Variants in CFAP299 observed in about 807,000 individuals in gnomAD.
CFAP299 encodes the protein cilia- and flagella-associated protein 299.
Under a neutral mutation model 27.0 loss-of-function variants are expected in CFAP299, and 21 were observed. That is an observed-to-expected ratio of 0.78 (90% CI 0.55 to 1.12). CFAP299 has a LOEUF of 1.12. Ranked by LOEUF, CFAP299 falls within the 50% of genes most tolerant of loss-of-function variation. The pLI is 0.00. For synonymous variants in CFAP299, 104 were observed against 98.1 expected, an observed-to-expected ratio of 1.06 and a Z score of -0.36; for missense variants, 310 against 276.6, an observed-to-expected ratio of 1.12 and a Z score of -0.86.
At chr4:80,459,134 A>G (rs1356657632) in intron 2 of CFAP299, among the ~76,000 whole-genome samples, 1 of 151,876 alleles carries the variant, frequency 6.6e-6, no homozygotes, top group Non-Finnish European at 1.5e-5. Context: ...GTGCATTATC[A>G]CCGTGCCCTG....
At chr4:80,430,446 T>C (rs2110077852) in intron 2 of CFAP299, among the ~76,000 whole-genome samples, 1 of 152,382 alleles carries the variant, frequency 6.6e-6, no homozygotes, top group South Asian at 2.1e-4. Context: ...TGCTGGTTCC[T>C]CTTTATCCTC....
chr4:80,682,762 G>A (rs1484413768), intron 3 of CFAP299, among the ~76,000 whole-genome samples: 1 of 152,024 alleles, frequency 6.6e-6, no homozygotes, highest in Non-Finnish European at 1.5e-5. Context: ...CACTTTTCAA[G>A]TTTCATTCTA....
At chr4:80,450,125 A>G (rs948458344) in intron 2 of CFAP299, among the ~76,000 whole-genome samples, 1 of 152,146 alleles carries the variant, frequency 6.6e-6, no homozygotes, top group Non-Finnish European at 1.5e-5. Flanking sequence ...AAATTGACTG[A>G]AAAAACTCAG....
At chr4:80,820,909 A>G (rs1405132745) in intron 3 of CFAP299, among the ~76,000 whole-genome samples, 1 of 152,204 alleles carries the variant, frequency 6.6e-6, no homozygotes, top group Non-Finnish European at 1.5e-5. Context: ...GATAACACAG[A>G]TCATTACTGA....
chr4:80,857,757 C>T (rs1732013819), intron 3 of CFAP299, among the ~76,000 whole-genome samples: 1 of 152,082 alleles, frequency 6.6e-6, no homozygotes, highest in Non-Finnish European at 1.5e-5. Context: ...GGATGAAGCC[C>T]ACTTGATCAT....
chr4:80,953,376 C>A (rs61550681), intron 5 of CFAP299, among the ~76,000 whole-genome samples: 2,930 of 152,186 alleles, frequency 0.019, 105 homozygotes, highest in African/African-American at 0.067. Context: ...TGATTATAGC[C>A]CTAAAACACC....
At chr4:80,801,532 G>C (rs193100184) in intron 3 of CFAP299, among the ~76,000 whole-genome samples, 1 of 152,138 alleles carries the variant, frequency 6.6e-6, no homozygotes, top group African/African-American at 2.4e-5. Context: ...ATATAAGAGA[G>C]AATAAAGGCT....
intron 5 of CFAP299, among the ~76,000 whole-genome samples, chr4:80,960,331 C>T (rs1186955487): frequency 6.6e-6 from 1 of 151,826 alleles, no homozygotes; most frequent in Non-Finnish European, 1.5e-5. Context: ...AGCACAAAAC[C>T]ATTTTTATAT....
intron 2 of CFAP299, among the ~76,000 whole-genome samples, chr4:80,523,320 T>C (rs1353395936): frequency 6.6e-6 from 1 of 152,190 alleles, no homozygotes; most frequent in African/African-American, 2.4e-5. Flanking sequence ...AACTGATTTT[T>C]GCATGCTGAT....
rs561899719 is a variant in CFAP299, at chr4:80,795,849, G to A, written c.334-74144G>A. Among the ~76,000 whole-genome samples, 4 of 152,210 alleles carry A rather than the reference G, an allele frequency of 2.6e-5. No individual in the cohort carries two copies. The East Asian group carries it at 5.8e-4, about 22-fold the overall frequency. On this transcript the variant is annotated intron_variant, in intron 3 of 5. Transcript: ENST00000358105. The stretch of plus-strand genomic sequence containing the variant: ...ACCAAGATCTGTCTCTCAAATAAGA[G>A]TAGTTATTTGCAGAAGATGGCAGGG...
intron 3 of CFAP299, among the ~76,000 whole-genome samples, chr4:80,859,004 G>A (rs1465732200): frequency 3.9e-5 from 6 of 152,186 alleles, no homozygotes; most frequent in Non-Finnish European, 5.9e-5. Flanking sequence ...AATGTTGACA[G>A]TGGGGTGTCA....
chr4:80,767,658 T>C (rs1725965826), intron 3 of CFAP299, among the ~76,000 whole-genome samples: 1 of 152,174 alleles, frequency 6.6e-6, no homozygotes, highest in Non-Finnish European at 1.5e-5. Context: ...TACTCACCGA[T>C]TTTCAGACCT....
At chr4:80,605,901 T>G (rs974555001) in intron 3 of CFAP299, among the ~76,000 whole-genome samples, 2 of 152,176 alleles carry the variant, frequency 1.3e-5, no homozygotes, top group African/African-American at 4.8e-5. Context: ...TGCATTGTTT[T>G]CTATTGGTTT....
Position 80,629,742 on chromosome 4 carries a change from T to A in CFAP299, c.333+46559T>A, listed in dbSNP as rs550529194. Among the ~76,000 whole-genome samples, 24 of 151,790 alleles carry A rather than the reference T, an allele frequency of 1.6e-4. 1 individual carries two copies. Among genetic ancestry groups the A allele is most frequent in the African/African-American group, 5.8e-4 (24 of 41,440 alleles). ...TAAAAATACAAAAATTAGCCAGGTATGATGGTGTGCACCTGTAGTCCCAGC... is the reference window on the plus strand; with the variant it reads ...TAAAAATACAAAAATTAGCCAGGTAAGATGGTGTGCACCTGTAGTCCCAGC... On this transcript the variant is annotated intron_variant, in intron 3 of 5. Transcript: ENST00000358105.
At chr4:80,467,234 G>A (rs1048436839) in intron 2 of CFAP299, among the ~76,000 whole-genome samples, 4 of 152,124 alleles carry the variant, frequency 2.6e-5, no homozygotes, top group African/African-American at 9.7e-5. Flanking sequence ...CACTGATACT[G>A]GCAAATGCTA....
chr4:80,429,183 G>A (rs977745050), intron 2 of CFAP299, among the ~76,000 whole-genome samples: 3 of 152,104 alleles, frequency 2.0e-5, no homozygotes, highest in African/African-American at 4.8e-5. Flanking sequence ...CATCAGCTGG[G>A]ACTAATTGCT....
intron 2 of CFAP299, among the ~76,000 whole-genome samples, chr4:80,575,693 CTT>C (rs1735818240): frequency 3.6e-5 from 3 of 83,868 alleles, no homozygotes; most frequent in African/African-American, 8.2e-5. Context: ...TTGTTTTGCT[CTT>C]GCTTTTATAG....
At chr4:80,654,874 C>A (rs1318022256) in intron 3 of CFAP299, among the ~76,000 whole-genome samples, 6 of 151,454 alleles carry the variant, frequency 4.0e-5, no homozygotes, top group Non-Finnish European at 8.8e-5. Context: ...CCTTGGCCAC[C>A]CAAAGTGCTG....
At chr4:80,823,088 T>C (rs1006752189) in intron 3 of CFAP299, among the ~76,000 whole-genome samples, 2 of 152,138 alleles carry the variant, frequency 1.3e-5, no homozygotes, top group East Asian at 1.9e-4. Flanking sequence ...AAAAGCCAGT[T>C]TGTCTTAAAG....
Sources: allele counts gnomAD v4.1 joint callset (sites outside exome capture counted in the v4.1 genomes callset), GRCh38; gene constraint gnomAD v4.1.1; transcripts MANE v1.5; gene names NCBI Gene and HGNC (gene_info 2026-07-23, HGNC 2026-07-21).